The following PCDH7 variants were observed in gnomAD, a reference collection of about 807,000 sequenced individuals.
PCDH7 encodes the protein protocadherin-7.
In PCDH7, 17 loss-of-function variants were observed where a neutral mutation model predicts 58.9. The ratio of observed to expected loss-of-function variants is 0.29; its 90% confidence interval spans 0.20 to 0.43. The LOEUF is 0.43. Among genes scored for constraint, PCDH7 ranks in the 20% least tolerant of loss-of-function variants. The pLI, the probability that PCDH7 is intolerant of heterozygous loss-of-function variation, is 1.00. For synonymous variants in PCDH7, 664 were observed against 616.4 expected, an observed-to-expected ratio of 1.08 and a Z score of -1.14; for missense variants, 1,274 against 1,441.0, an observed-to-expected ratio of 0.88 and a Z score of 1.88.
chr4:30,891,660 T>A (rs538775965), intron 1 of PCDH7, among the ~76,000 whole-genome samples: 16 of 152,048 alleles, frequency 1.1e-4, no homozygotes, highest in Non-Finnish European at 1.9e-4. Context: ...AACAACAAAC[T>A]CCATCATGGG....
At chr4:31,041,358 G>A (rs1002718673) in intron 3 of PCDH7, among the ~76,000 whole-genome samples, 2 of 152,020 alleles carry the variant, frequency 1.3e-5, no homozygotes, top group South Asian at 2.1e-4. Context: ...TTCAAATACT[G>A]GCATTTTATT....
chr4:31,122,410 G>T (rs1329150067), intron 3 of PCDH7, among the ~76,000 whole-genome samples: 1 of 152,008 alleles, frequency 6.6e-6, no homozygotes, highest in African/African-American at 2.4e-5. Context: ...TAAAAGACAA[G>T]TCTTCTCAAG....
intron 3 of PCDH7, among the ~76,000 whole-genome samples, chr4:31,101,286 A>C (rs1241643336): frequency 1.3e-5 from 2 of 152,214 alleles, no homozygotes; most frequent in Non-Finnish European, 2.9e-5. Flanking sequence ...AGTAAAATCC[A>C]TCATAAGTAT....
At chr4:30,761,559 A>G (rs569352739) in intron 1 of PCDH7, among the ~76,000 whole-genome samples, 17 of 152,226 alleles carry the variant, frequency 1.1e-4, no homozygotes, top group African/African-American at 3.6e-4. Flanking sequence ...TCTGATATAT[A>G]TTTTATAATT....
chr4:30,892,342 T>G (rs1738726671), intron 1 of PCDH7, among the ~76,000 whole-genome samples: 1 of 152,088 alleles, frequency 6.6e-6, no homozygotes, highest in South Asian at 2.1e-4. Flanking sequence ...TAATCTTTTG[T>G]TAGTAAAGTA....
chr4:31,027,624 T>C (rs528467516), intron 3 of PCDH7, among the ~76,000 whole-genome samples: 2 of 152,232 alleles, frequency 1.3e-5, no homozygotes, highest in Admixed American at 1.3e-4. Flanking sequence ...GGTTTCACCA[T>C]GTTGGCCAGG....
intron 3 of PCDH7, among the ~76,000 whole-genome samples, chr4:31,045,108 T>C (rs1332775654): frequency 6.6e-6 from 1 of 151,960 alleles, no homozygotes; most frequent in Non-Finnish European, 1.5e-5. Context: ...GGTAGTTTAT[T>C]AATTTATTCT....
intron 1 of PCDH7, among the ~76,000 whole-genome samples, chr4:30,763,538 T>A (rs1225278743): frequency 2.0e-5 from 3 of 152,212 alleles, no homozygotes; most frequent in Admixed American, 6.5e-5. Context: ...TCATTACAAG[T>A]CAGTAAATCA....
At chr4:30,782,868 G>T (rs1722970867) in intron 1 of PCDH7, among the ~76,000 whole-genome samples, 1 of 152,058 alleles carries the variant, frequency 6.6e-6, no homozygotes, top group South Asian at 2.1e-4. Flanking sequence ...GGCACCTCTC[G>T]AATGAGGGTC....
At chr4:31,063,191 G>C (rs1309810161) in intron 3 of PCDH7, among the ~76,000 whole-genome samples, 1 of 151,854 alleles carries the variant, frequency 6.6e-6, no homozygotes, top group Admixed American at 6.6e-5. Context: ...ACTCATTCAT[G>C]TGTATGTACC....
intron 3 of PCDH7, among the ~76,000 whole-genome samples, chr4:31,011,865 AT>A (rs1753213543): frequency 1.3e-5 from 2 of 152,038 alleles, no homozygotes; most frequent in African/African-American, 4.8e-5. Context: ...TACCATAATT[AT>A]TTTTTAAGGT....
intron 1 of PCDH7, among the ~76,000 whole-genome samples, chr4:30,764,074 C>T (rs1720382777): frequency 6.6e-6 from 1 of 152,082 alleles, no homozygotes; most frequent in South Asian, 2.1e-4. Flanking sequence ...TTAAAGCAGC[C>T]AATTAGGATT....
intron 1 of PCDH7, among the ~76,000 whole-genome samples, chr4:30,785,894 T>C (rs1577796856): frequency 6.6e-6 from 1 of 152,028 alleles, no homozygotes; most frequent in South Asian, 2.1e-4. Flanking sequence ...TCAGACTTAC[T>C]AAGATTTTAC....
At chr4:30,761,639 C>T (rs1720035969) in intron 1 of PCDH7, among the ~76,000 whole-genome samples, 1 of 152,044 alleles carries the variant, frequency 6.6e-6, no homozygotes, top group South Asian at 2.1e-4. Context: ...CTAGGGACTG[C>T]CATATGAGAC....
intron 1 of PCDH7, among the ~76,000 whole-genome samples, chr4:30,864,678 A>G (rs1345336395): frequency 6.6e-6 from 1 of 152,016 alleles, no homozygotes; most frequent in Non-Finnish European, 1.5e-5. Flanking sequence ...AAAAGTTTGC[A>G]CTTTCAAAGT....
intron 1 of PCDH7, among the ~76,000 whole-genome samples, chr4:30,751,635 C>T (rs1037800551): frequency 3.3e-5 from 5 of 152,086 alleles, no homozygotes; most frequent in Non-Finnish European, 5.9e-5. Context: ...ATATATTTTG[C>T]ATGGTCTCTG....
At chr4:31,128,247 G>T (rs1020715466) in intron 3 of PCDH7, among the ~76,000 whole-genome samples, 5 of 151,876 alleles carry the variant, frequency 3.3e-5, no homozygotes, top group African/African-American at 1.2e-4. Context: ...TCCTTAAATG[G>T]ATTCAGTCAC....
intron 1 of PCDH7, among the ~76,000 whole-genome samples, chr4:30,784,104 C>T (rs763562113): frequency 6.6e-6 from 1 of 152,122 alleles, no homozygotes; most frequent in African/African-American, 2.4e-5. Context: ...GAGCATATCT[C>T]CTCAGTGTCT....
At chr4:31,056,203 T>TA (rs747287829) in intron 3 of PCDH7, among the ~76,000 whole-genome samples, 6 of 151,452 alleles carry the variant, frequency 4.0e-5, no homozygotes, top group Non-Finnish European at 5.9e-5. Context: ...ACCCCATCTT[T>TA]AAAAAAATAC....
Sources: allele counts gnomAD v4.1 joint callset (sites outside exome capture counted in the v4.1 genomes callset), GRCh38; gene constraint gnomAD v4.1.1; transcripts MANE v1.5; gene names NCBI Gene and HGNC (gene_info 2026-07-23, HGNC 2026-07-21).